GPR26: variants seen among roughly 807,000 people sequenced by gnomAD.
The protein encoded by GPR26 is G protein-coupled receptor 26.
GPR26 carries 15 observed loss-of-function variants against 23.1 expected under a neutral mutation model. That is an observed-to-expected ratio of 0.65 (90% CI 0.43 to 1.00). The LOEUF (loss-of-function observed/expected upper bound fraction) is 1.00, where lower values mean the gene tolerates loss of function less well. Among genes scored for constraint, GPR26 ranks in the 50% least tolerant of loss-of-function variants. The pLI, the probability that GPR26 is intolerant of heterozygous loss-of-function variation, is 0.00. For synonymous variants in GPR26, 228 were observed against 222.1 expected (o/e 1.03, Z -0.24); for missense variants, 359 against 470.5 (o/e 0.76, Z 2.19).
In GPR26 at chr10:123,666,668, C is replaced by T. The variant is rs780733717; in HGVS notation, c.261C>T (p.Thr87=). The change falls in exon 1 of 3, where the codon ACC becomes ACT. Residue 87 remains threonine (T), a synonymous_variant. Transcript: ENST00000284674. The part of the protein sequence containing the change: ...RLCRLAAFLD[T]FLAANSMLSM... Reference sequence around the variant, plus strand: ...GCCGCCTGGCTGCCTTCCTCGACACCTTCCTGGCTGCCAACTCCATGCTCA... The same window carrying T: ...GCCGCCTGGCTGCCTTCCTCGACACTTTCCTGGCTGCCAACTCCATGCTCA... 1.9e-6 allele frequency: 3 copies of T among 1,599,664 alleles called. No individual in the cohort carries two copies. The highest frequency in any genetic ancestry group is 1.7e-5 in the Admixed American group (1 of 59,748).
chr10:123,688,212 G>T lies in GPR26; in HGVS notation c.*52G>T. On this transcript the variant is annotated 3_prime_UTR_variant, in exon 3 of 3. Coordinates refer to ENST00000284674, the MANE Select transcript of GPR26 (RefSeq NM_153442.4). ...AGAATGAGGCAGCGGTGAGAAGAAG[G>T]GTGGGAGGGCGTGGGGGCCCCTGGG... The T allele has an allele frequency of 9.0e-7, 1 of 1,105,012 alleles. No individual in the cohort carries two copies. The highest frequency in any genetic ancestry group is 1.4e-6 in the Non-Finnish European group (1 of 740,056). The allele number at this position is 1,105,012 out of a possible 1,614,324, so 68.5% of individuals were successfully genotyped here. A position where few individuals can be genotyped will look rare whatever the true frequency, so the allele number is the denominator to read the frequency against.
At chr10:123,667,840 C>T (rs1047112044) in intron 1 of GPR26, among the ~76,000 whole-genome samples, 2 of 152,126 alleles carry the variant, frequency 1.3e-5, no homozygotes, top group African/African-American at 2.4e-5. Context: ...TGGGTACCCT[C>T]TGGGAACCCC....
At chr10:123,687,263 T>C (rs1336365241) in intron 2 of GPR26, among the ~76,000 whole-genome samples, 2 of 152,206 alleles carry the variant, frequency 1.3e-5, no homozygotes, top group East Asian at 1.9e-4. Flanking sequence ...GTGCATGACA[T>C]ACTTTGAGCT....
At chr10:123,677,473 T>C (rs928175234) in intron 2 of GPR26, among the ~76,000 whole-genome samples, 3 of 152,192 alleles carry the variant, frequency 2.0e-5, no homozygotes, top group African/African-American at 7.2e-5. Flanking sequence ...TTCTCATGTG[T>C]GTGGAGGTGC....
At chr10:123,681,636 AC>A (rs1845379183) in intron 2 of GPR26, among the ~76,000 whole-genome samples, 2 of 152,096 alleles carry the variant, frequency 1.3e-5, no homozygotes, top group African/African-American at 4.8e-5. Context: ...AATATCTGCC[AC>A]CCCTTTGAGT....
rs1845463630 is a variant in GPR26 at position 123,689,211 on chromosome 10, G to A, written c.*1051G>A. On this transcript the variant is annotated 3_prime_UTR_variant, in exon 3 of 3. Transcript: ENST00000284674. ...TTAACAGAAAGTAGAGGCTATTCAA[G>A]GTTATCAAGAAAGTGCCCTGTGCTA... 2 of 151,904 alleles carry A rather than the reference G, an allele frequency of 1.3e-5. No individual in the cohort carries two copies. Among genetic ancestry groups the A allele is most frequent in the African/African-American group, 2.4e-5 (1 of 41,362 alleles). 9.4% of individuals were successfully genotyped at this position (151,904 alleles called of 1,614,324 possible).
In GPR26 at chr10:123,666,416, G is replaced by C; in HGVS notation, c.9G>C (p.Ser3=). Residue 3 remains serine (S), a synonymous_variant, in exon 1 of 3, where the codon TCG becomes TCC. Coordinates refer to ENST00000284674, the MANE Select transcript of GPR26 (RefSeq NM_153442.4). MN[S]WDAGLAGLLV... ...GGCGCGGGGCGCGCACCATGAACTC[G>C]TGGGACGCGGGCCTGGCGGGGCTAC... 1 of 1,501,300 alleles carries C rather than the reference G, an allele frequency of 6.7e-7. No individual in the cohort carries two copies. The highest frequency in any genetic ancestry group is 1.3e-5 in the South Asian group (1 of 78,514). 93.0% of individuals were successfully genotyped at this position (1,501,300 alleles called of 1,614,324 possible).
chr10:123,676,214 CCT>C (rs1845308753), intron 2 of GPR26, among the ~76,000 whole-genome samples: 1 of 152,124 alleles, frequency 6.6e-6, no homozygotes, highest in African/African-American at 2.4e-5. Context: ...GGTGCCTTCC[CCT>C]GTCTTCTGTG....
rs750635691 is a variant in GPR26, at chr10:123,674,786, G to A, written c.669-32G>A. On this transcript the variant is annotated intron_variant, in intron 1 of 2. Coordinates refer to ENST00000284674, the MANE Select transcript of GPR26 (RefSeq NM_153442.4). This position sits in a 1 kb window ranked among gnomAD's most constrained non-coding sequence, Gnocchi z 4.1. ...CATCCTGACCTAGCAAGGGTGCCTC[G>A]TAGTTCACCTTCTCTCCTCTCTCAC... 3.1e-5 allele frequency: 45 copies of A among 1,453,218 alleles called. No individual in the cohort carries two copies. The highest frequency in any genetic ancestry group is 2.7e-4 in the East Asian group (12 of 43,904). The allele number at this position is 1,453,218 out of a possible 1,614,324, so 90.0% of individuals were successfully genotyped here.
rs963065576 is a variant in GPR26 at position 123,697,113 on chromosome 10, T to G, written c.*8953T>G. ...TTGTAGTTTTACATTTACTTTCTTC[T>G]AATCTATTAAACATAAGTATGGCTC... is the stretch of plus-strand genomic sequence containing the variant. On this transcript the variant is annotated 3_prime_UTR_variant, in exon 3 of 3. Transcript: ENST00000284674. Among the ~76,000 whole-genome samples the G allele has an allele frequency of 2.0e-5, 3 of 152,242 alleles. No individual in the cohort carries two copies. The highest frequency in any genetic ancestry group is 7.2e-5 in the African/African-American group (3 of 41,472).
At position 123,674,952 on chromosome 10, in the gene GPR26, T is replaced by A; in HGVS notation, c.782+21T>A. The A allele has an allele frequency of 6.7e-7, 1 of 1,481,950 alleles. No individual in the cohort carries two copies. The highest frequency in any genetic ancestry group is 1.1e-5 in the South Asian group (1 of 87,376). The allele number at this position is 1,481,950 out of a possible 1,614,324, so 91.8% of individuals were successfully genotyped here. A position where few individuals can be genotyped will look rare whatever the true frequency, so the allele number is the denominator to read the frequency against. ...ACCAGGTGAGCCTGATTGGCAGGTG[T>A]GTCTTGGGACTTTGAAGAGTAAGGC... On this transcript the variant is annotated intron_variant, in intron 2 of 2. Transcript: ENST00000284674. This position sits in a 1 kb window ranked among gnomAD's most constrained non-coding sequence, Gnocchi z 4.1.
intron 2 of GPR26, among the ~76,000 whole-genome samples, chr10:123,685,132 C>T (rs1018041607): frequency 6.6e-6 from 1 of 152,110 alleles, no homozygotes; most frequent in African/African-American, 2.4e-5. Context: ...ACACTGTGAC[C>T]CTGCCCACTA....
At position 123,666,999 on chromosome 10, in the gene GPR26, G is replaced by A; in HGVS notation, c.592G>A (p.Val198Met). The change falls in exon 1 of 3, where the codon GTG becomes ATG. Residue 198 changes from valine (V) to methionine (M), a missense_variant. Transcript: ENST00000284674. Reference sequence around the variant, plus strand: ...CTGCACGTACCTCAAGGTGCTCAAGGTGGCCCGCTTCCATTGCAAGCGCAT... The same window carrying A: ...CTGCACGTACCTCAAGGTGCTCAAGATGGCCCGCTTCCATTGCAAGCGCAT... ...LCCTYLKVLK[V>M]ARFHCKRIDV... 1 of 1,612,892 alleles carries A rather than the reference G, an allele frequency of 6.2e-7. No homozygotes were observed. The highest frequency in any genetic ancestry group is 8.5e-7 in the Non-Finnish European group (1 of 1,179,574).
At chr10:123,684,138 G>GT (rs1845407403) in intron 2 of GPR26, among the ~76,000 whole-genome samples, 1 of 152,196 alleles carries the variant, frequency 6.6e-6, no homozygotes. Context: ...AAGCATGAAC[G>GT]TTTCCCCCGA....
Position 123,688,105 on chromosome 10 carries a change from C to T in GPR26, c.959C>T (p.Ser320Phe), listed in dbSNP as rs1209631912. The T allele has an allele frequency of 6.2e-7, 1 of 1,613,884 alleles. No homozygotes were observed. The highest frequency in any genetic ancestry group is 8.5e-7 in the Non-Finnish European group (1 of 1,180,004). The change falls in exon 3 of 3, where the codon TCC becomes TTC. Residue 320 changes from serine to phenylalanine, a missense_variant. Ser to Phe is a radical substitution (Grantham distance 155). Transcript: ENST00000284674. ...CTCCTGCACAGACGCTCCATCCACT[C>T]CTCTGGCCTCACAGGCGACTCTCAC... ...NRLLHRRSIH[S>F]SGLTGDSHSQ... is the part of the protein sequence containing the mutation.
chr10:123,684,647 G>A (rs970366755), intron 2 of GPR26, among the ~76,000 whole-genome samples: 2 of 152,212 alleles, frequency 1.3e-5, no homozygotes, highest in Non-Finnish European at 2.9e-5. Context: ...GCTTGCAGAT[G>A]TCTCACTCTG....
At chr10:123,672,634 G>T (rs145976172) in intron 1 of GPR26, among the ~76,000 whole-genome samples, 22 of 152,218 alleles carry the variant, frequency 1.4e-4, no homozygotes, top group Admixed American at 1.0e-3. Context: ...CTTCTGCAGT[G>T]GGGGGAGCTC....
chr10:123,676,204 G>A (rs1845308661), intron 2 of GPR26, among the ~76,000 whole-genome samples: 1 of 152,050 alleles, frequency 6.6e-6, no homozygotes, highest in African/African-American at 2.4e-5. Context: ...ACAACTCTGG[G>A]GTGCCTTCCC....
In GPR26 at chr10:123,689,229, C is replaced by T. The variant is rs12414023; in HGVS notation, c.*1069C>T. The T allele has an allele frequency of 0.08, 12,034 of 150,552 alleles. 647 individuals carry two copies. The highest frequency in any genetic ancestry group is 0.19 in the South Asian group (891 of 4,692). The allele number at this position is 150,552 out of a possible 1,614,324, so 9.3% of individuals were successfully genotyped here. On this transcript the variant is annotated 3_prime_UTR_variant, in exon 3 of 3. Coordinates refer to ENST00000284674, the MANE Select transcript of GPR26 (RefSeq NM_153442.4). ...TATTCAAGGTTATCAAGAAAGTGCC[C>T]TGTGCTAATGATGAGACAGTGAATT...
Sources: allele counts gnomAD v4.1 joint callset (sites outside exome capture counted in the v4.1 genomes callset), GRCh38; gene constraint gnomAD v4.1.1; non-coding constraint Gnocchi (gnomAD v3.1); transcripts MANE v1.5; gene names NCBI Gene and HGNC (gene_info 2026-07-23, HGNC 2026-07-21).